KDM4B: variants seen among roughly 807,000 people sequenced by gnomAD.
KDM4B encodes lysine demethylase 4B, also known as lysine-specific demethylase 4B.
A neutral mutation model predicts 125.2 loss-of-function variants in KDM4B; 32 were observed. That is an observed-to-expected ratio of 0.26 (90% CI 0.19 to 0.34). The LOEUF (loss-of-function observed/expected upper bound fraction) is 0.34, where lower values mean the gene tolerates loss of function less well. Ranked by LOEUF, KDM4B falls within the 10% of genes least tolerant of loss-of-function variation. KDM4B has a pLI of 1.00. For missense variants in KDM4B, 1,190 were observed against 1,577.7 expected (o/e 0.75, Z 4.16); for synonymous variants, 721 against 677.9 (o/e 1.06, Z -0.99).
At chr19:5,049,267 C>T (rs2037142844) in intron 6 of KDM4B, among the ~76,000 whole-genome samples, 2 of 152,112 alleles carry the variant, frequency 1.3e-5, no homozygotes, top group African/African-American at 4.8e-5. Context: ...GCATCCCGCA[C>T]CTCTCCCCGA....
chr19:5,144,176 C>T (rs1344595270), intron 19 of KDM4B, 24 bp downstream of exon 19: 18 of 1,590,830 alleles, frequency 1.1e-5, no homozygotes, highest in Non-Finnish European at 1.5e-5. Context: ...CGCCTCCTTG[C>T]CCCCAGCCCC....
intron 6 of KDM4B, among the ~76,000 whole-genome samples, chr19:5,064,926 C>A (rs1300136371): frequency 6.6e-6 from 1 of 152,232 alleles, no homozygotes; most frequent in African/African-American, 2.4e-5. Flanking sequence ...TGAGAGGCAG[C>A]GGCCCTGCTG....
chr19:5,040,139 C>CACACGGGGCACA, intron 4 of KDM4B, 128 bp downstream of exon 4: 1 of 1,073,908 alleles, frequency 9.3e-7, no homozygotes, highest in Non-Finnish European at 1.3e-6. Flanking sequence ...TCTGTGTGCC[C>CACACGGGGCACA]CGTGTGGGCT....
At chr19:5,045,380 TTTGTTG>T (rs140890573) in intron 5 of KDM4B, among the ~76,000 whole-genome samples, 411 of 151,872 alleles carry the variant, frequency 2.7e-3, no homozygotes, top group Non-Finnish European at 4.4e-3. Context: ...TTTTGCCCAG[TTTGTTG>T]TTGTTGTTGT....
At chr19:5,146,605 T>G (rs541214145) in intron 21 of KDM4B, among the ~76,000 whole-genome samples, 13 of 152,238 alleles carry the variant, frequency 8.5e-5, no homozygotes, top group Middle Eastern at 3.4e-3. Flanking sequence ...CCTGCTCAGC[T>G]CACCTGGCAG....
At chr19:5,118,075 T>C (rs532926329) in intron 10 of KDM4B, among the ~76,000 whole-genome samples, 2 of 152,164 alleles carry the variant, frequency 1.3e-5, no homozygotes, top group Admixed American at 6.5e-5. Flanking sequence ...CATGGGCTGC[T>C]GCTGGCCCAT....
At position 5,131,485 on chromosome 19, in the gene KDM4B, C is replaced by G; in HGVS notation, c.1725C>G (p.Asp575Glu). Residue 575 changes from aspartate to glutamate, a missense_variant, in exon 12 of 23, where the codon GAC (aspartate) becomes GAG (glutamate). By Grantham distance (45) the Asp-to-Glu change is conservative. Transcript: ENST00000159111. ...CCATGGAGCTGACGGGGCCAGAGGA[C>G]GGTGCAGCCAGCAGTGGGGCAGGTC... ...VSPMELTGPE[D>E]GAASSGAGRM... The G allele has an allele frequency of 6.8e-7, 1 of 1,476,468 alleles. No homozygotes were observed. Among genetic ancestry groups the G allele is most frequent in the South Asian group, 1.1e-5 (1 of 87,934 alleles). The allele number at this position is 1,476,468 out of a possible 1,614,324, so 91.5% of individuals were successfully genotyped here.
At chr19:5,086,790 C>T (rs974877506) in intron 9 of KDM4B, among the ~76,000 whole-genome samples, 1 of 152,238 alleles carries the variant, frequency 6.6e-6, no homozygotes, top group Non-Finnish European at 1.5e-5. Flanking sequence ...GTGAGCAGGC[C>T]AGACCACTGC....
intron 6 of KDM4B, chr19:5,070,750 C>T (rs1261696136): frequency 9.6e-6 from 4 of 418,174 alleles, no homozygotes; most frequent in African/African-American, 6.1e-5. Context: ...ATCCCCACTC[C>T]TGGCTTTCTG....
intron 11 of KDM4B, among the ~76,000 whole-genome samples, chr19:5,124,327 G>A (rs936936795): frequency 2.0e-5 from 3 of 152,148 alleles, no homozygotes; most frequent in Non-Finnish European, 1.5e-5. Context: ...GGCTGCTGCC[G>A]CCGCCGCTGC....
chr19:5,151,228 A>G (rs898688302), intron 22 of KDM4B, 107 bp from the exon 23 acceptor site: 27 of 1,011,158 alleles, frequency 2.7e-5, no homozygotes, highest in Admixed American at 4.1e-5. Context: ...CCCCACAGCA[A>G]TCAGGGCTCT....
chr19:5,082,850 C>G lies in KDM4B; in HGVS notation c.918+346C>G, dbSNP rs920155596. Reference sequence around the variant, plus strand: ...GTGTTTCCTCCACCAGCACCATTGTCCCCCCTGCTGGCTGGCTCCTGGGCA... The same window carrying G: ...GTGTTTCCTCCACCAGCACCATTGTGCCCCCTGCTGGCTGGCTCCTGGGCA... On this transcript the variant is annotated intron_variant, in intron 9 of 22. Coordinates refer to ENST00000159111, the MANE Select transcript of KDM4B (RefSeq NM_015015.3). This position sits in a 1 kb window ranked among gnomAD's most constrained non-coding sequence, Gnocchi z 5.4. Among the ~76,000 whole-genome samples the G allele has an allele frequency of 6.6e-6, 1 of 150,922 alleles. No individual in the cohort carries two copies. The highest frequency in any genetic ancestry group is 1.5e-5 in the Non-Finnish European group (1 of 67,378).
At chr19:5,098,729 G>A (rs1353412455) in intron 9 of KDM4B, among the ~76,000 whole-genome samples, 1 of 152,096 alleles carries the variant, frequency 6.6e-6, no homozygotes, top group Non-Finnish European at 1.5e-5. Flanking sequence ...GTGCCCTTAT[G>A]AAAGAGCCCC....
At chr19:5,065,719 T>G (rs1479162576) in intron 6 of KDM4B, among the ~76,000 whole-genome samples, 2 of 152,366 alleles carry the variant, frequency 1.3e-5, no homozygotes, top group East Asian at 3.9e-4. Context: ...TTTCATTCCC[T>G]GGTTCCGGCT....
chr19:4,989,197 G>T (rs576242501), intron 1 of KDM4B, among the ~76,000 whole-genome samples: 1 of 152,348 alleles, frequency 6.6e-6, no homozygotes, highest in African/African-American at 2.4e-5. Context: ...CCTGTGGCCT[G>T]GGGTGGAAGC....
intron 11 of KDM4B, among the ~76,000 whole-genome samples, chr19:5,122,389 A>G (rs2039377322): frequency 6.6e-6 from 1 of 152,144 alleles, no homozygotes; most frequent in Admixed American, 6.5e-5. Flanking sequence ...TCCTTCTGCC[A>G]CGGGAGGGGA....
At chr19:5,094,338 G>T (rs2620795) in intron 9 of KDM4B, among the ~76,000 whole-genome samples, 11,006 of 152,328 alleles carry the variant, frequency 0.072, 433 homozygotes, top group Admixed American at 0.11. Flanking sequence ...CGAAAATTGC[G>T]AGGTCCCTGA....
At chr19:5,086,274 C>T (rs932048963) in intron 9 of KDM4B, among the ~76,000 whole-genome samples, 13 of 151,528 alleles carry the variant, frequency 8.6e-5, no homozygotes, top group African/African-American at 2.9e-4. Flanking sequence ...CTGCCCTGGC[C>T]GGGCCCTGTG....
chr19:5,089,545 C>G (rs1402073734), intron 9 of KDM4B, among the ~76,000 whole-genome samples: 1 of 152,110 alleles, frequency 6.6e-6, no homozygotes, highest in Non-Finnish European at 1.5e-5. Flanking sequence ...TGGACTGGGA[C>G]TCTTGTGATT....
Sources: gnomAD v4.1 joint callset for allele counts (sites outside exome capture counted in the v4.1 genomes callset) on GRCh38, gnomAD v4.1.1 for gene constraint, Gnocchi (gnomAD v3.1) non-coding constraint, MANE v1.5 for transcripts, NCBI Gene and HGNC (gene_info 2026-07-23, HGNC 2026-07-21) for gene names.